Variants in GPHN observed in about 807,000 individuals in gnomAD.
GPHN encodes gephyrin.
GPHN carries 17 observed loss-of-function variants against 95.5 expected under a neutral mutation model. The observed-to-expected ratio is 0.18, with a 90% CI of 0.12 to 0.27. GPHN has a LOEUF of 0.27. Ranked by LOEUF, GPHN falls within the 10% of genes least tolerant of loss-of-function variation. The probability of loss-of-function intolerance (pLI) is 1.00; values close to 1 mark genes in which losing one functional copy is unlikely to be tolerated. For synonymous variants in GPHN, 320 were observed against 322.5 expected, an observed-to-expected ratio of 0.99 and a Z score of 0.08; for missense variants, 660 against 978.1, an observed-to-expected ratio of 0.67 and a Z score of 4.34.
At chr14:66,658,412 C>T (rs2065435313) in intron 1 of GPHN, among the ~76,000 whole-genome samples, 2 of 152,118 alleles carry the variant, frequency 1.3e-5, no homozygotes, top group East Asian at 3.9e-4. Context: ...TTGACTCTTC[C>T]AATTTTGAAA....
intron 17 of GPHN, among the ~76,000 whole-genome samples, chr14:67,135,294 G>A (rs1309689774): frequency 1.3e-5 from 2 of 152,110 alleles, no homozygotes; most frequent in South Asian, 2.1e-4. Flanking sequence ...AGGACTGTGT[G>A]TGTGTGTTTC....
chr14:67,207,300 A>C, the GPHN span, among the ~76,000 whole-genome samples: 1 of 152,108 alleles, frequency 6.6e-6, no homozygotes, highest in African/African-American at 2.4e-5. Context: ...CGTGTGGAAG[A>C]GAAGGGGAGC....
At chr14:67,685,245 G>A in the GPHN span, 1 of 1,548,370 alleles carries the variant, frequency 6.5e-7, no homozygotes, top group Non-Finnish European at 8.8e-7. Flanking sequence ...GACAGGACTT[G>A]ATTTTGCAGA....
At chr14:67,664,102 C>G in the GPHN span, among the ~76,000 whole-genome samples, 1 of 152,106 alleles carries the variant, frequency 6.6e-6, no homozygotes, top group African/African-American at 2.4e-5. Flanking sequence ...TTGTTTGTTT[C>G]AAGACAGAGT....
intron 1 of GPHN, among the ~76,000 whole-genome samples, chr14:66,528,785 A>C (rs184369093): frequency 6.6e-6 from 1 of 152,286 alleles, no homozygotes; most frequent in East Asian, 1.9e-4. Flanking sequence ...AGTGTAGACT[A>C]TTGGCCCCCA....
At chr14:66,883,988 T>C (rs982147376) in intron 5 of GPHN, among the ~76,000 whole-genome samples, 2 of 152,048 alleles carry the variant, frequency 1.3e-5, no homozygotes, top group African/African-American at 4.8e-5. Flanking sequence ...GGGACCCCAT[T>C]CCCAGTTACT....
Position 66,922,648 on chromosome 14 carries a change from T to A in GPHN, c.457-18T>A, listed in dbSNP as rs2066283494. On this transcript the variant is annotated intron_variant, in intron 6 of 22. Transcript: ENST00000478722. ...AAAGTGCTTCATCTTAATTTTTTTT[T>A]CTTTCTCTTGCATACAGGAATGCTT... The A allele has an allele frequency of 1.9e-6, 3 of 1,582,900 alleles. No individual in the cohort carries two copies. The highest frequency in any genetic ancestry group is 2.6e-6 in the Non-Finnish European group (3 of 1,162,432).
In GPHN at chr14:66,996,145, A is replaced by C. The variant is rs938837416; in HGVS notation, c.964-27488A>C. 3.4e-6 allele frequency: 5 copies of C among 1,491,180 alleles called. No individual in the cohort carries two copies. In the African/African-American group the frequency reaches 6.9e-5, roughly 21 times the overall value. 92.4% of individuals were successfully genotyped at this position (1,491,180 alleles called of 1,614,324 possible). ...TTACTATGCTATCCTTTCCTCTTTA[A>C]CAGTGTTTTCTTTTCCCCACTGCAA... On this transcript the variant is annotated intron_variant, in intron 9 of 22. Transcript: ENST00000478722.
intron 4 of GPHN, among the ~76,000 whole-genome samples, chr14:66,878,506 A>C (rs895003720): frequency 6.6e-6 from 1 of 152,198 alleles, no homozygotes; most frequent in Non-Finnish European, 1.5e-5. Context: ...TAAAGAACTT[A>C]AACAAATTTA....
At chr14:67,582,249 A>C in the GPHN span, 1 of 1,612,878 alleles carries the variant, frequency 6.2e-7, no homozygotes, top group Non-Finnish European at 8.5e-7. This position sits in a 1 kb window ranked among gnomAD's most constrained non-coding sequence, Gnocchi z 5.0. Flanking sequence ...TCGGGTTGCC[A>C]GCTTAGAATG....
the GPHN span, chr14:67,727,521 C>T: frequency 3.1e-5 from 10 of 322,694 alleles, no homozygotes; most frequent in East Asian, 8.6e-5. Context: ...TCGCTCTTGT[C>T]GCCCAGGCTG....
the GPHN span, among the ~76,000 whole-genome samples, chr14:67,525,459 CT>C: frequency 6.6e-6 from 1 of 152,176 alleles, no homozygotes; most frequent in Non-Finnish European, 1.5e-5. Context: ...CAATTGGATC[CT>C]TTTCCCCTCT....
chr14:67,562,561 G>T, the GPHN span: 1 of 1,611,852 alleles, frequency 6.2e-7, no homozygotes, highest in East Asian at 2.2e-5. Flanking sequence ...GCAGCAGTCT[G>T]ACCCTACCAA....
At chr14:67,449,486 C>T in the GPHN span, among the ~76,000 whole-genome samples, 2 of 152,030 alleles carry the variant, frequency 1.3e-5, no homozygotes, top group Non-Finnish European at 2.9e-5. Context: ...AGTGGGGTGG[C>T]AAGGAGGAGG....
chr14:66,549,811 G>T (rs2059748315), intron 1 of GPHN, among the ~76,000 whole-genome samples: 1 of 152,170 alleles, frequency 6.6e-6, no homozygotes, highest in African/African-American at 2.4e-5. Flanking sequence ...TTCCTATTCT[G>T]AAATCCTGTG....
chr14:67,254,031 C>CA, the GPHN span, among the ~76,000 whole-genome samples: 2 of 141,670 alleles, frequency 1.4e-5, no homozygotes, highest in Admixed American at 1.4e-4. Flanking sequence ...TTCATCCCCC[C>CA]CCCCTTACAA....
chr14:67,154,062 A>G (rs1288365263), intron 18 of GPHN, among the ~76,000 whole-genome samples: 1 of 152,020 alleles, frequency 6.6e-6, no homozygotes, highest in African/African-American at 2.4e-5. Context: ...TGCTTTCCAA[A>G]CTCTGCATCA....
the GPHN span, among the ~76,000 whole-genome samples, chr14:67,704,311 C>T: frequency 3.9e-5 from 6 of 152,282 alleles, no homozygotes; most frequent in Middle Eastern, 6.8e-3. Context: ...ATTTTCAAAT[C>T]GTTTCACATA....
At chr14:67,571,923 G>A in the GPHN span, 2 of 1,593,050 alleles carry the variant, frequency 1.3e-6, no homozygotes, top group South Asian at 2.3e-5. Flanking sequence ...GGGGAGCAGG[G>A]GCAGGGTGCA....
Sources: allele counts gnomAD v4.1 joint callset (sites outside exome capture counted in the v4.1 genomes callset), GRCh38; gene constraint gnomAD v4.1.1; non-coding constraint Gnocchi (gnomAD v3.1); transcripts MANE v1.5; gene names NCBI Gene and HGNC (gene_info 2026-07-23, HGNC 2026-07-21).